The following PDE4D variants were observed in gnomAD, a reference collection of about 807,000 sequenced individuals.
The protein encoded by PDE4D is 3',5'-cyclic-AMP phosphodiesterase 4D.
Under a neutral mutation model 87.4 loss-of-function variants are expected in PDE4D, and 24 were observed. That is an observed-to-expected ratio of 0.27 (90% CI 0.20 to 0.39). The LOEUF (loss-of-function observed/expected upper bound fraction) is 0.39. Among genes scored for constraint, PDE4D ranks in the 10% least tolerant of loss-of-function variants. PDE4D has a pLI of 1.00. For missense variants in PDE4D, 714 were observed against 1,041.0 expected, an observed-to-expected ratio of 0.69 and a Z score of 4.32; for synonymous variants, 384 against 383.2, an observed-to-expected ratio of 1.00 and a Z score of -0.02.
chr5:60,409,440 G>A (rs991928982), intron 1 of PDE4D, among the ~76,000 whole-genome samples: 4 of 152,214 alleles, frequency 2.6e-5, no homozygotes, highest in Middle Eastern at 3.4e-3. Context: ...GTGCACAAGT[G>A]CTCTGAAGTT....
chr5:59,579,043 C>T (rs1349713254), intron 1 of PDE4D, among the ~76,000 whole-genome samples: 6 of 152,070 alleles, frequency 3.9e-5, no homozygotes, highest in Non-Finnish European at 8.8e-5. Flanking sequence ...ATATAACTTA[C>T]CCCCAGACAC....
chr5:59,827,376 CAAGTGTTA>C (rs1770450570), intron 1 of PDE4D, among the ~76,000 whole-genome samples: 2 of 152,102 alleles, frequency 1.3e-5, no homozygotes, highest in African/African-American at 4.8e-5. Flanking sequence ...CAGTAGCCTG[CAAGTGTTA>C]AACATTGTTG....
intron 1 of PDE4D, among the ~76,000 whole-genome samples, chr5:59,532,512 A>G (rs868023762): frequency 2.0e-5 from 3 of 152,344 alleles, no homozygotes; most frequent in South Asian, 4.1e-4. Context: ...AAATGAGACC[A>G]TCACTTTGCC....
chr5:59,320,869 C>A (rs906535416), intron 1 of PDE4D, among the ~76,000 whole-genome samples: 15 of 152,214 alleles, frequency 9.9e-5, no homozygotes, highest in African/African-American at 3.6e-4. Flanking sequence ...ACCAACCAAT[C>A]AGCAACAATT....
At chr5:60,475,823 GAAAAAAA>G (rs397792795) in intron 1 of PDE4D, among the ~76,000 whole-genome samples, 4 of 95,064 alleles carry the variant, frequency 4.2e-5, no homozygotes, top group African/African-American at 6.8e-5. Context: ...TCTGTTAAAT[GAAAAAAA>G]AAAAAAAAAA....
At chr5:60,202,465 C>A (rs1340991167) in intron 1 of PDE4D, among the ~76,000 whole-genome samples, 1 of 152,072 alleles carries the variant, frequency 6.6e-6, no homozygotes, top group Non-Finnish European at 1.5e-5. Context: ...CCATCCCCAG[C>A]CTGTGATTTA....
At chr5:59,560,409 T>C (rs1475501986) in intron 1 of PDE4D, among the ~76,000 whole-genome samples, 1 of 152,190 alleles carries the variant, frequency 6.6e-6, no homozygotes, top group Non-Finnish European at 1.5e-5. Context: ...CATTCATTCA[T>C]TCACTCACTC....
intron 1 of PDE4D, among the ~76,000 whole-genome samples, chr5:59,839,556 G>A (rs1742668411): frequency 6.6e-6 from 1 of 151,854 alleles, no homozygotes; most frequent in South Asian, 2.1e-4. Context: ...TAATTTCAAT[G>A]ACTGACTGAA....
intron 1 of PDE4D, among the ~76,000 whole-genome samples, chr5:59,556,855 A>G (rs562835444): frequency 6.7e-6 from 1 of 149,180 alleles, no homozygotes; most frequent in East Asian, 1.9e-4. Context: ...TAAAGAAAGG[A>G]TGGAAGGATG....
chr5:59,921,996 G>A (rs370237617), intron 3 of PDE4D, among the ~76,000 whole-genome samples: 3 of 151,912 alleles, frequency 2.0e-5, no homozygotes, highest in Non-Finnish European at 4.4e-5. Context: ...TCCCCCATGC[G>A]TCAGCAGTGG....
At chr5:59,211,135 T>C in intron 2 of PDE4D, among the ~76,000 whole-genome samples, 1 of 152,218 alleles carries the variant, frequency 6.6e-6, no homozygotes, top group East Asian at 1.9e-4. Context: ...TCTACTGTTA[T>C]AAAAAATTTT....
At chr5:60,510,620 G>A (rs1326987853) in intron 1 of PDE4D, among the ~76,000 whole-genome samples, 1 of 152,198 alleles carries the variant, frequency 6.6e-6, no homozygotes, top group African/African-American at 2.4e-5. Context: ...GGAAACAGGA[G>A]GTGATACAGC....
chr5:60,495,337 C>A (rs1377507246), intron 1 of PDE4D, among the ~76,000 whole-genome samples: 3 of 152,158 alleles, frequency 2.0e-5, no homozygotes, highest in Admixed American at 2.0e-4. Context: ...TCTCGAATGT[C>A]ATGTGCATAA....
At chr5:60,485,918 T>C (rs929366162) in intron 1 of PDE4D, among the ~76,000 whole-genome samples, 4 of 152,238 alleles carry the variant, frequency 2.6e-5, no homozygotes, top group African/African-American at 4.8e-5. Flanking sequence ...CACCAGAATT[T>C]CCTTGAGCCT....
At chr5:59,399,213 C>A (rs1790091856) in intron 1 of PDE4D, among the ~76,000 whole-genome samples, 1 of 134,908 alleles carries the variant, frequency 7.4e-6, no homozygotes, top group Admixed American at 7.3e-5. Context: ...ACTTTCTTCA[C>A]AGAATTGGAA....
intron 1 of PDE4D, among the ~76,000 whole-genome samples, chr5:60,223,997 G>A (rs920138772): frequency 6.6e-6 from 1 of 151,996 alleles, no homozygotes; most frequent in African/African-American, 2.4e-5. Flanking sequence ...TAAGTGGGTG[G>A]CTAGCAAGGC....
chr5:59,074,118 C>T (rs1033344446), intron 5 of PDE4D, among the ~76,000 whole-genome samples: 1 of 152,018 alleles, frequency 6.6e-6, no homozygotes, highest in Admixed American at 6.6e-5. Flanking sequence ...TTCAAGCTCC[C>T]AGCAAATTCT....
In PDE4D at chr5:60,038,066, T is replaced by G. The variant is rs551645323; in HGVS notation, c.43-49349A>C. On this transcript the variant is annotated intron_variant, in intron 2 of 16. Coordinates refer to the PDE4D transcript ENST00000502484. ...TAGGTCGCGAAAATTTTCTCCCATT[T>G]TGTAGGTTGCCTGTTCACTCTGATG... 3.5e-4 allele frequency among the ~76,000 whole-genome samples: 53 copies of G among 152,226 alleles called. 2 individuals are homozygous for G. The South Asian group carries it at 0.01, about 30-fold the overall frequency.
At chr5:60,098,079 G>A (rs894031175) in intron 2 of PDE4D, among the ~76,000 whole-genome samples, 3 of 151,840 alleles carry the variant, frequency 2.0e-5, no homozygotes, top group South Asian at 2.1e-4. Context: ...CTTTTATCAC[G>A]GGTCACGGCC....
Sources: gnomAD v4.1 joint callset for allele counts (sites outside exome capture counted in the v4.1 genomes callset) on GRCh38, gnomAD v4.1.1 for gene constraint, MANE v1.5 for transcripts, NCBI Gene and HGNC (gene_info 2026-07-23, HGNC 2026-07-21) for gene names.